SMIM31: variants seen among roughly 807,000 people sequenced by gnomAD.
SMIM31 encodes the protein human epithelial cell program regulator.
At chr4:164,788,911 C>T (rs1733064811) in intron 2 of SMIM31, among the ~76,000 whole-genome samples, 1 of 152,084 alleles carries the variant, frequency 6.6e-6, no homozygotes, top group Non-Finnish European at 1.5e-5. Flanking sequence ...TATGCTATTT[C>T]AGTATATAAT....
chr4:164,760,585 C>T (rs1275335152), intron 1 of SMIM31, among the ~76,000 whole-genome samples: 1 of 141,220 alleles, frequency 7.1e-6, no homozygotes. Context: ...AAAAAAAATA[C>T]AAACATGAGC....
intron 2 of SMIM31, among the ~76,000 whole-genome samples, chr4:164,792,307 G>C (rs1396013156): frequency 1.3e-5 from 2 of 152,156 alleles, no homozygotes; most frequent in Admixed American, 1.3e-4. Flanking sequence ...AAGATGTGTA[G>C]GAACTCATTG....
intron 2 of SMIM31, among the ~76,000 whole-genome samples, chr4:164,797,546 A>G (rs1462991270): frequency 6.7e-6 from 1 of 150,298 alleles, no homozygotes; most frequent in African/African-American, 2.5e-5. Flanking sequence ...TCACTGAAAC[A>G]TCGGTCTCCC....
intron 1 of SMIM31, among the ~76,000 whole-genome samples, chr4:164,759,802 C>T (rs1053988988): frequency 3.3e-5 from 5 of 152,104 alleles, no homozygotes; most frequent in African/African-American, 1.2e-4. Context: ...CCTCATGAAG[C>T]TTAAATTCTA....
intron 1 of SMIM31, among the ~76,000 whole-genome samples, chr4:164,758,801 A>ATTTTTTTTTTTTTTTTTTTTTTTT (rs35632469): frequency 2.3e-4 from 14 of 60,910 alleles, no homozygotes; most frequent in South Asian, 8.1e-4. Flanking sequence ...GCCCGGCCAA[A>ATTTTTTTTTTTTTTTTTTTTTTTT]TTTTTTTTTT....
At chr4:164,798,675 G>T (rs754001360) in intron 2 of SMIM31, among the ~76,000 whole-genome samples, 1 of 152,262 alleles carries the variant, frequency 6.6e-6, no homozygotes, top group Middle Eastern at 3.4e-3. Flanking sequence ...ATTTAAGTCC[G>T]AAGACCGGAG....
rs1579064127 is a variant in SMIM31 at position 164,770,406 on chromosome 4, A to G, written c.-25-13A>G. ...TTAGAGTATGCTGAGCCCATGTTTT[A>G]TTCCTATTGTAGGTGAAGAAGTTTT... On this transcript the variant is annotated splice_polypyrimidine_tract_variant and intron_variant, in intron 1 of 2. Coordinates refer to ENST00000507311, the MANE Select transcript of SMIM31 (RefSeq NM_001352885.1). 2.5e-6 allele frequency: 1 copy of G among 398,908 alleles called. No homozygotes were observed. Among genetic ancestry groups the G allele is most frequent in the Non-Finnish European group, 4.4e-6 (1 of 225,990 alleles). The allele number at this position is 398,908 out of a possible 1,614,324, so 24.7% of individuals were successfully genotyped here. A position where few individuals can be genotyped will look rare whatever the true frequency, so the allele number is the denominator to read the frequency against.
intron 1 of SMIM31, among the ~76,000 whole-genome samples, chr4:164,761,620 A>G (rs1197007155): frequency 6.6e-6 from 1 of 152,108 alleles, no homozygotes; most frequent in Non-Finnish European, 1.5e-5. Context: ...CATAAGACTC[A>G]GTTTAATAAG....
chr4:164,758,965 G>T (rs1732610361), intron 1 of SMIM31, among the ~76,000 whole-genome samples: 1 of 151,282 alleles, frequency 6.6e-6, no homozygotes, highest in Non-Finnish European at 1.5e-5. Context: ...ACCGCGCCCT[G>T]CCTCATATAT....
At chr4:164,788,549 G>A (rs995373710) in intron 2 of SMIM31, among the ~76,000 whole-genome samples, 1 of 128,490 alleles carries the variant, frequency 7.8e-6, no homozygotes, top group African/African-American at 3.1e-5. Flanking sequence ...GAGTGCAATG[G>A]CGCAATCTCG....
At chr4:164,787,089 A>T (rs1257847800) in intron 2 of SMIM31, among the ~76,000 whole-genome samples, 2 of 152,202 alleles carry the variant, frequency 1.3e-5, no homozygotes, top group African/African-American at 4.8e-5. Context: ...CAGGGATAGA[A>T]TTGTATGTTA....
intron 2 of SMIM31, among the ~76,000 whole-genome samples, chr4:164,784,817 G>T (rs1280003474): frequency 1.3e-5 from 2 of 151,882 alleles, no homozygotes; most frequent in East Asian, 3.9e-4. Flanking sequence ...TGGAAAAGAA[G>T]AAATTAGTAG....
intron 2 of SMIM31, among the ~76,000 whole-genome samples, chr4:164,792,622 A>G (rs1271410746): frequency 1.3e-5 from 2 of 152,182 alleles, no homozygotes; most frequent in Non-Finnish European, 2.9e-5. Context: ...TAACATTATT[A>G]ATTGGTGAAT....
intron 1 of SMIM31, among the ~76,000 whole-genome samples, chr4:164,760,249 T>G (rs1732627962): frequency 6.6e-6 from 1 of 151,802 alleles, no homozygotes; most frequent in African/African-American, 2.4e-5. Flanking sequence ...CATAATAGAG[T>G]GTTGACTAGA....
intron 1 of SMIM31, among the ~76,000 whole-genome samples, chr4:164,769,379 T>A (rs1039123793): frequency 2.0e-5 from 3 of 152,130 alleles, no homozygotes; most frequent in Admixed American, 1.3e-4. Context: ...TAACCCATTG[T>A]ATCTTCTACC....
rs1452159618 is a variant in SMIM31 at position 164,803,261 on chromosome 4, G to A, written c.*2067G>A. 1 of 152,144 alleles carries A rather than the reference G, an allele frequency of 6.6e-6. No individual in the cohort carries two copies. The highest frequency in any genetic ancestry group is 2.4e-5 in the African/African-American group (1 of 41,416). The allele number at this position is 152,144 out of a possible 1,614,324, so 9.4% of individuals were successfully genotyped here. ...ATTACTGCATTGACTGGAAATGGGA[G>A]GCACTTCACAATTAGGAATATTGTC... On this transcript the variant is annotated 3_prime_UTR_variant, in exon 3 of 3. Transcript: ENST00000507311.
chr4:164,762,055 G>A (rs949754548), intron 1 of SMIM31, among the ~76,000 whole-genome samples: 7 of 152,322 alleles, frequency 4.6e-5, no homozygotes, highest in South Asian at 2.1e-4. Flanking sequence ...ACGTGAAAGA[G>A]TCACCTCACC....
At chr4:164,764,230 A>T (rs1732688847) in intron 1 of SMIM31, among the ~76,000 whole-genome samples, 1 of 152,046 alleles carries the variant, frequency 6.6e-6, no homozygotes, top group Non-Finnish European at 1.5e-5. Context: ...TTTTTAAATG[A>T]GGCCTGACCG....
At chr4:164,759,859 A>G (rs1264626605) in intron 1 of SMIM31, among the ~76,000 whole-genome samples, 3 of 152,244 alleles carry the variant, frequency 2.0e-5, no homozygotes, top group Non-Finnish European at 4.4e-5. Flanking sequence ...TTAGAAGGTA[A>G]TAATTGCTTT....
Sources: allele counts gnomAD v4.1 joint callset (sites outside exome capture counted in the v4.1 genomes callset), GRCh38; gene constraint gnomAD v4.1.1; transcripts MANE v1.5; gene names NCBI Gene and HGNC (gene_info 2026-07-23, HGNC 2026-07-21).